The following DMRTC2 variants were observed in gnomAD, a reference collection of about 807,000 sequenced individuals.
DMRTC2 encodes the protein doublesex- and mab-3-related transcription factor C2.
Under a neutral mutation model 39.9 loss-of-function variants are expected in DMRTC2, and 13 were observed. The ratio of observed to expected loss-of-function variants is 0.33; its 90% CI spans 0.21 to 0.52. The LOEUF is 0.52. Ranked by LOEUF, DMRTC2 falls within the 20% of genes least tolerant of loss-of-function variation. DMRTC2 has a pLI of 0.96. For missense variants in DMRTC2, 431 were observed against 472.8 expected (o/e 0.91, Z 0.82); for synonymous variants, 189 against 185.2 (o/e 1.02, Z -0.17).
rs2073937492 is a variant in DMRTC2, at chr19:41,850,430, A to C, written c.816+58A>C. On this transcript the variant is annotated intron_variant, in intron 7 of 8. Coordinates refer to ENST00000269945, the MANE Select transcript of DMRTC2 (RefSeq NM_001040283.3). ...GGAGGAGGTTGAGCCTGGGGAAGGA[A>C]AAAGCAGGAAACTGAAGGAAGCAGG... 4.5e-6 allele frequency: 7 copies of C among 1,571,756 alleles called. No homozygotes were observed. The East Asian group carries it at 1.6e-4, about 36-fold the overall frequency.
intron 3 of DMRTC2, 103 bp downstream of exon 3, chr19:41,847,984 C>G: frequency 7.1e-7 from 1 of 1,414,150 alleles, no homozygotes; most frequent in Non-Finnish European, 9.4e-7. Flanking sequence ...CGACCTTGAA[C>G]TAAGGGTTTC....
Position 41,848,834 on chromosome 19 carries a change from G to C in DMRTC2, c.487G>C (p.Ala163Pro), listed in dbSNP as rs782743876. The change falls in exon 5 of 9, where the codon GCC (alanine) becomes CCC (proline). Residue 163 changes from alanine to proline, a missense_variant. Physicochemically the swap from Ala to Pro is conservative, Grantham distance 27. Transcript: ENST00000269945. ...TCTGCTGCTCAGCCATCCCCCGGAA[G>C]CCTCGCCCTTGTCCTGGACTCCGGT... ...GPLLLSHPPE[A>P]SPLSWTPVPP... The C allele has an allele frequency of 1.9e-6, 3 of 1,610,630 alleles. No individual in the cohort carries two copies. The highest frequency in any genetic ancestry group is 1.7e-5 in the Admixed American group (1 of 60,000).
intron 1 of DMRTC2, among the ~76,000 whole-genome samples, chr19:41,846,434 G>A (rs1481491973): frequency 6.6e-6 from 1 of 152,018 alleles, no homozygotes; most frequent in Non-Finnish European, 1.5e-5. Flanking sequence ...AATGTCGGGC[G>A]CAGCAGCTCA....
chr19:41,846,541 T>C (rs1555835915), intron 1 of DMRTC2, among the ~76,000 whole-genome samples: 1 of 148,190 alleles, frequency 6.7e-6, no homozygotes, highest in African/African-American at 2.5e-5. Context: ...AATGAGACCT[T>C]GTCTCTATAA....
rs1268626395 is a variant in DMRTC2 at position 41,852,064 on chromosome 19, GTC to G, written c.*370_*371del. The G allele has an allele frequency of 2.0e-5, 4 of 195,224 alleles. No individual in the cohort carries two copies. The highest frequency in any genetic ancestry group is 4.2e-5 in the Non-Finnish European group (4 of 95,194). The allele number at this position is 195,224 out of a possible 1,614,324, so 12.1% of individuals were successfully genotyped here. A position where few individuals can be genotyped will look rare whatever the true frequency, so the allele number is the denominator to read the frequency against. On this transcript the variant is annotated 3_prime_UTR_variant, in exon 9 of 9. Transcript: ENST00000269945. ...ATTCTGTAAATGCCTATGCATTCAT[GTC>G]TGTCTCCATGCATGTGAAAACAGGA...
chr19:41,851,627 T>G lies in DMRTC2; in HGVS notation c.1035T>G (p.Leu345=), dbSNP rs1555837393. 7 of 1,614,174 alleles carry G rather than the reference T, an allele frequency of 4.3e-6. No individual in the cohort carries two copies. The highest frequency in any genetic ancestry group is 5.9e-6 in the Non-Finnish European group (7 of 1,180,020). The change falls in exon 9 of 9, where the codon CTT becomes CTG. Residue 345 remains leucine (L), a synonymous_variant. Coordinates refer to ENST00000269945, the MANE Select transcript of DMRTC2 (RefSeq NM_001040283.3). The part of the protein sequence containing the change: ...GRGFQPVGPC[L]RPSPAPSVAL... ...GATTCCAGCCTGTTGGCCCCTGTCT[T>G]CGACCCAGCCCAGCCCCCTCTGTTG... is the stretch of plus-strand genomic sequence containing the variant.
In DMRTC2 at chr19:41,848,963, C is replaced by T. The variant is rs1555836708; in HGVS notation, c.616C>T (p.Pro206Ser). Residue 206 changes from proline to serine, a missense_variant, in exon 5 of 9, where the codon CCT (proline) becomes TCT (serine). By Grantham distance (74) the Pro-to-Ser change is moderately conservative. Coordinates refer to ENST00000269945, the MANE Select transcript of DMRTC2 (RefSeq NM_001040283.3). Reference sequence around the variant, plus strand: ...GTACCAAGAACCTGCTGTCTCTCTGCCTCCCTTCCCTGGTAAGATGATAAT... The same window carrying T: ...GTACCAAGAACCTGCTGTCTCTCTGTCTCCCTTCCCTGGTAAGATGATAAT... The part of the protein sequence containing the change: ...LLYQEPAVSL[P>S]PFPGFDPGTS... 1.2e-6 allele frequency: 2 copies of T among 1,614,000 alleles called. No homozygotes were observed. The highest frequency in any genetic ancestry group is 3.3e-5 in the Admixed American group (2 of 60,012).
intron 8 of DMRTC2, 87 bp downstream of exon 8, chr19:41,850,787 G>A (rs2073944704): frequency 1.4e-6 from 2 of 1,392,384 alleles, no homozygotes; most frequent in African/African-American, 3.0e-5. Context: ...GAGATGAGGG[G>A]GTCGACAGGT....
At chr19:41,848,033 G>T in intron 3 of DMRTC2, 152 bp downstream of exon 3, 1 of 1,201,942 alleles carries the variant, frequency 8.3e-7, no homozygotes, top group Non-Finnish European at 1.1e-6. Flanking sequence ...TTGAGAGAAT[G>T]CAGCGAGTTC....
Position 41,847,460 on chromosome 19 carries a change from A to G in DMRTC2, c.32A>G (p.His11Arg), listed in dbSNP as rs782622667. The G allele has an allele frequency of 6.3e-7, 1 of 1,592,980 alleles. No individual in the cohort carries two copies. The highest frequency in any genetic ancestry group is 2.2e-5 in the East Asian group (1 of 44,596). Reference protein sequence around the residue: MEPSDMPAGYHCPLDSAPWDE... With the variant: MEPSDMPAGYRCPLDSAPWDE... ...CCCAGTGACATGCCTGCTGGCTACC[A>G]CTGCCCCTTAGACTCTGCCCCCTGG... is the stretch of plus-strand genomic sequence containing the variant. Residue 11 changes from histidine (H) to arginine (R), a missense_variant, in exon 2 of 9, where the codon CAC (histidine) becomes CGC (arginine). His to Arg is a conservative substitution (Grantham distance 29, BLOSUM62 0). Transcript: ENST00000269945.
intron 4 of DMRTC2, 28 bp downstream of exon 4, chr19:41,848,556 T>G (rs946081442): frequency 1.3e-6 from 2 of 1,499,790 alleles, no homozygotes; most frequent in Non-Finnish European, 1.8e-6. Flanking sequence ...CCTGAGAAAG[T>G]GTCCCCCACC....
chr19:41,848,759 G>T (rs769520473), intron 4 of DMRTC2, 36 bp from the exon 5 acceptor site: 26 of 1,606,160 alleles, frequency 1.6e-5, no homozygotes, highest in African/African-American at 1.5e-4. Flanking sequence ...TTCCAGCCTT[G>T]TACCCAACTC....
In DMRTC2 at chr19:41,850,564, C is replaced by T; in HGVS notation, c.855C>T (p.Pro285=). 6.2e-7 allele frequency: 1 copy of T among 1,613,566 alleles called. No individual in the cohort carries two copies. Among genetic ancestry groups the T allele is most frequent in the Non-Finnish European group, 8.5e-7 (1 of 1,179,814 alleles). ...CGTGCCTGGCCCGGACATCTGGCCC[C>T]TCAGAGTGGCAGCTGCAGCAAGAGG... ...GASCLARTSG[P]SEWQLQQEAA... is the part of the protein sequence containing the mutation. Residue 285 remains proline, a synonymous_variant, in exon 8 of 9, where the codon CCC becomes CCT. Coordinates refer to ENST00000269945, the MANE Select transcript of DMRTC2 (RefSeq NM_001040283.3).
chr19:41,848,752 C>T (rs1024085506), intron 4 of DMRTC2, 43 bp from the exon 5 acceptor site: 3 of 1,606,224 alleles, frequency 1.9e-6, no homozygotes, highest in Admixed American at 1.7e-5. Context: ...AATCCTTTTC[C>T]AGCCTTGTAC....
chr19:41,851,758 A>G lies in DMRTC2; in HGVS notation c.*62A>G. The G allele has an allele frequency of 7.1e-7, 1 of 1,402,026 alleles. No individual in the cohort carries two copies. The highest frequency in any genetic ancestry group is 1.0e-6 in the Non-Finnish European group (1 of 992,038). 86.8% of individuals were successfully genotyped at this position (1,402,026 alleles called of 1,614,324 possible). A position where few individuals can be genotyped will look rare whatever the true frequency, so the allele number is the denominator to read the frequency against. ...AGGTGACAGCCTGCTGGCACTGTAT[A>G]TTTAGTGTCTTACTTAAGGATTTAT... On this transcript the variant is annotated 3_prime_UTR_variant, in exon 9 of 9. Transcript: ENST00000269945.
At position 41,850,684 on chromosome 19, in the gene DMRTC2, C is replaced by A. The variant is rs782240913; in HGVS notation, c.975C>A (p.His325Gln). ...ACCCTGCCTGGATCTCCCTGCTTCA[C>A]CCCTGTGGCCCACCAGGTGGGCCAT... ...PPNPAWISLL[H>Q]PCGPPAPAGG... is the part of the protein sequence containing the mutation. Residue 325 changes from histidine (H) to glutamine (Q), a missense_variant, in exon 8 of 9, where the codon CAC becomes CAA. By Grantham distance (24) the His-to-Gln change is conservative (BLOSUM62 0). Transcript: ENST00000269945. 2.5e-6 allele frequency: 4 copies of A among 1,575,790 alleles called. No individual in the cohort carries two copies. Among genetic ancestry groups the A allele is most frequent in the East Asian group, 2.3e-5 (1 of 43,868 alleles).
intron 3 of DMRTC2, 76 bp from the exon 4 acceptor site, chr19:41,848,376 T>A (rs781823452): frequency 7.8e-7 from 1 of 1,278,182 alleles, no homozygotes; most frequent in Non-Finnish European, 1.1e-6. Flanking sequence ...ATGGGGGAGA[T>A]GAGAACTGTC....
chr19:41,849,555 T>C (rs774976858), intron 6 of DMRTC2, among the ~76,000 whole-genome samples: 1 of 152,230 alleles, frequency 6.6e-6, no homozygotes, highest in Non-Finnish European at 1.5e-5. Context: ...ATGGTAGCTG[T>C]TATATCTGCT....
chr19:41,851,894 A>G lies in DMRTC2; in HGVS notation c.*198A>G. The G allele has an allele frequency of 1.7e-6, 1 of 590,340 alleles. No homozygotes were observed. Among genetic ancestry groups the G allele is most frequent in the East Asian group, 2.8e-5 (1 of 35,270 alleles). The allele number at this position is 590,340 out of a possible 1,614,324, so 36.6% of individuals were successfully genotyped here. A position where few individuals can be genotyped will look rare whatever the true frequency, so the allele number is the denominator to read the frequency against. On this transcript the variant is annotated 3_prime_UTR_variant, in exon 9 of 9. Coordinates refer to ENST00000269945, the MANE Select transcript of DMRTC2 (RefSeq NM_001040283.3). ...TTTCAGTTCCTTTGGTAGTGTGGGC[A>G]TTTCCTTGGCTGACAGTGGATATTC...
Sources: allele counts gnomAD v4.1 joint callset (sites outside exome capture counted in the v4.1 genomes callset), GRCh38; gene constraint gnomAD v4.1.1; transcripts MANE v1.5; gene names NCBI Gene and HGNC (gene_info 2026-07-23, HGNC 2026-07-21).